PDE8A: variants seen among roughly 807,000 people sequenced by gnomAD.
The protein encoded by PDE8A is high affinity cAMP-specific and IBMX-insensitive 3',5'-cyclic phosphodiesterase 8A.
PDE8A carries 59 observed loss-of-function variants against 105.0 expected under a neutral mutation model. The ratio of observed to expected loss-of-function variants is 0.56; its 90% CI spans 0.46 to 0.70. The LOEUF (loss-of-function observed/expected upper bound fraction) is 0.70, where lower values mean the gene tolerates loss of function less well. Among genes scored for constraint, PDE8A ranks in the 30% least tolerant of loss-of-function variants. The probability of loss-of-function intolerance (pLI) is 0.00; values close to 1 mark genes in which losing one functional copy is unlikely to be tolerated. For synonymous variants in PDE8A, 355 were observed against 371.9 expected (o/e 0.95, Z 0.52); for missense variants, 1,014 against 1,045.9 (o/e 0.97, Z 0.42).
intron 8 of PDE8A, among the ~76,000 whole-genome samples, chr15:85,092,319 T>G (rs577316742): frequency 1.1e-4 from 15 of 138,788 alleles, no homozygotes; most frequent in East Asian, 5.8e-4. Flanking sequence ...AAGGATTTTT[T>G]TTGTTGTTGT....
chr15:85,025,132 AC>A (rs2080493011), intron 1 of PDE8A, among the ~76,000 whole-genome samples: 1 of 152,178 alleles, frequency 6.6e-6, no homozygotes, highest in African/African-American at 2.4e-5. Context: ...ATGTAATATA[AC>A]TATGCTCTTC....
chr15:85,064,136 T>C, intron 1 of PDE8A: 1 of 455,718 alleles, frequency 2.2e-6, no homozygotes, highest in Non-Finnish European at 3.9e-6. Context: ...AAAGCCAGAA[T>C]CACATTCATT....
At chr15:85,046,001 C>A (rs1039949060) in intron 1 of PDE8A, among the ~76,000 whole-genome samples, 1 of 151,244 alleles carries the variant, frequency 6.6e-6, no homozygotes, top group Non-Finnish European at 1.5e-5. Flanking sequence ...AAAAAGAGAT[C>A]GATCATATGA....
At chr15:85,023,156 G>T (rs1466212540) in intron 1 of PDE8A, among the ~76,000 whole-genome samples, 1 of 152,210 alleles carries the variant, frequency 6.6e-6, no homozygotes, top group Non-Finnish European at 1.5e-5. Flanking sequence ...ATTTTGCTTT[G>T]TGAAATAGGA....
rs539305966 is a variant in PDE8A, at chr15:84,995,053, G to A, written c.186+12705G>A. 3.5e-4 allele frequency among the ~76,000 whole-genome samples: 54 copies of A among 152,164 alleles called. No individual in the cohort carries two copies. The Middle Eastern group carries it at 0.017, about 48-fold the overall frequency. ...CAGCATGAATTTGATATTTGCTTAG[G>A]TTTTTTCCTTTTGAAGCAACATTTA... is the stretch of plus-strand genomic sequence containing the variant. On this transcript the variant is annotated intron_variant, in intron 1 of 21. Coordinates refer to ENST00000394553, the MANE Select transcript of PDE8A (RefSeq NM_002605.3).
chr15:85,109,445 T>A (rs2081990829), intron 12 of PDE8A, among the ~76,000 whole-genome samples: 1 of 152,242 alleles, frequency 6.6e-6, no homozygotes, highest in Non-Finnish European at 1.5e-5. Context: ...TTGATAATTC[T>A]TAAAGATCTA....
chr15:85,118,877 G>A (rs1460834478), intron 17 of PDE8A, among the ~76,000 whole-genome samples: 1 of 152,172 alleles, frequency 6.6e-6, no homozygotes, highest in South Asian at 2.1e-4. Flanking sequence ...CACACAGGGA[G>A]TGAACAAGTG....
rs140486977 is a variant in PDE8A, at chr15:85,123,095, G to A, written c.1987G>A (p.Asp663Asn). Residue 663 changes from aspartate to asparagine, a missense_variant, in exon 19 of 22, where the codon GAC (aspartate) becomes AAC (asparagine). By Grantham distance (23) the Asp-to-Asn change is conservative. Transcript: ENST00000394553. ...TCGGACACTGCGCCAGGGGATTATCGACATGGTCTTAGCCACAGAAATGAC... is the reference window on the plus strand; with the variant it reads ...TCGGACACTGCGCCAGGGGATTATCAACATGGTCTTAGCCACAGAAATGAC... The part of the protein sequence containing the change: ...DYRTLRQGII[D>N]MVLATEMTKH... 1.4e-4 allele frequency: 228 copies of A among 1,613,794 alleles called. No individual in the cohort carries two copies. The highest frequency in any genetic ancestry group is 1.7e-4 in the Non-Finnish European group (201 of 1,179,922).
intron 5 of PDE8A, among the ~76,000 whole-genome samples, chr15:85,079,234 T>C (rs1363487393): frequency 1.3e-5 from 2 of 152,192 alleles, no homozygotes; most frequent in Non-Finnish European, 2.9e-5. Context: ...TAATAATAGC[T>C]CACTTTTAAA....
At chr15:84,981,837 C>A (rs1413666895), upstream of PDE8A, 1 of 174,748 alleles carries the variant, frequency 5.7e-6, no homozygotes, top group East Asian at 1.5e-4. Flanking sequence ...AAATCTCCTC[C>A]CCCTATTTCC....
chr15:85,094,179 A>T (rs908612148), intron 8 of PDE8A, among the ~76,000 whole-genome samples: 20 of 149,964 alleles, frequency 1.3e-4, no homozygotes, highest in African/African-American at 4.7e-4. Flanking sequence ...AAAAATCTTG[A>T]TTTTTTTTTT....
chr15:85,115,109 G>T (rs925354433), intron 14 of PDE8A: 2 of 279,268 alleles, frequency 7.2e-6, no homozygotes, highest in Non-Finnish European at 1.3e-5. Context: ...GAAACCAAAT[G>T]GTCCTGGAGT....
chr15:85,080,444 T>C (rs537923981), intron 5 of PDE8A, among the ~76,000 whole-genome samples: 1 of 152,214 alleles, frequency 6.6e-6, no homozygotes, highest in Admixed American at 6.5e-5. Flanking sequence ...CTATTCCTTT[T>C]AACAAGAACC....
intron 1 of PDE8A, among the ~76,000 whole-genome samples, chr15:84,995,998 A>G (rs1234104204): frequency 3.3e-5 from 5 of 152,072 alleles, no homozygotes; most frequent in Non-Finnish European, 2.9e-5. Context: ...GGACATTTGA[A>G]TGTCCTCTTC....
At chr15:85,063,737 AGTCTTCCATTG>A (rs2081180807) in intron 1 of PDE8A, 1 of 152,362 alleles carries the variant, frequency 6.6e-6, no homozygotes, top group African/African-American at 2.4e-5. Flanking sequence ...GAACACACTA[AGTCTTCCATTG>A]GTGCTGTGAT....
At chr15:85,075,707 A>G (rs1204385183) in intron 3 of PDE8A, among the ~76,000 whole-genome samples, 155 bp from the exon 4 acceptor site, 5 of 152,244 alleles carry the variant, frequency 3.3e-5, no homozygotes, top group African/African-American at 1.2e-4. Context: ...GAGAAAGATC[A>G]AGTAGTCAAG....
At chr15:85,064,608 A>G (rs1005474453) in intron 2 of PDE8A, among the ~76,000 whole-genome samples, 182 bp downstream of exon 2, 3 of 152,204 alleles carry the variant, frequency 2.0e-5, no homozygotes, top group African/African-American at 4.8e-5. Flanking sequence ...GTTCTTAGAA[A>G]TACACATTGT....
Position 85,007,713 on chromosome 15 carries a change from G to C in PDE8A, c.186+25365G>C, listed in dbSNP as rs112091901. On this transcript the variant is annotated intron_variant, in intron 1 of 21. Transcript: ENST00000394553. ...ACGTACATCACAGGAGTGCTGGGAG[G>C]ATTAAATGAGTCTCCCAATAGTGTT... 4.7e-4 allele frequency among the ~76,000 whole-genome samples: 71 copies of C among 152,042 alleles called. 1 individual carries two copies. Among genetic ancestry groups the C allele is most frequent in the African/African-American group, 1.7e-3 (69 of 41,472 alleles).
At chr15:84,981,643 G>A (rs2142128478), upstream of PDE8A, among the ~76,000 whole-genome samples, 1 of 152,116 alleles carries the variant, frequency 6.6e-6, no homozygotes, top group Non-Finnish European at 1.5e-5. Context: ...CGGCCCAGCG[G>A]GCGGAGCGGC....
Sources: allele counts gnomAD v4.1 joint callset (sites outside exome capture counted in the v4.1 genomes callset), GRCh38; gene constraint gnomAD v4.1.1; transcripts MANE v1.5; gene names NCBI Gene and HGNC (gene_info 2026-07-23, HGNC 2026-07-21).